MCCC2: variants seen among roughly 807,000 people sequenced by gnomAD.
MCCC2 encodes the protein methylcrotonyl-CoA carboxylase subunit 2.
A neutral mutation model predicts 77.2 loss-of-function variants in MCCC2; 52 were observed. That is an observed-to-expected ratio of 0.67 (90% CI 0.54 to 0.85). The LOEUF (loss-of-function observed/expected upper bound fraction) is 0.85, where lower values mean the gene tolerates loss of function less well. Ranked by LOEUF, MCCC2 falls within the 40% of genes least tolerant of loss-of-function variation. The pLI is 0.00. For missense variants in MCCC2, 682 were observed against 703.2 expected (o/e 0.97, Z 0.34); for synonymous variants, 253 against 248.4 (o/e 1.02, Z -0.18).
At chr5:71,653,337 T>G (rs1204665999) in intron 16 of MCCC2, among the ~76,000 whole-genome samples, 1 of 150,478 alleles carries the variant, frequency 6.6e-6, no homozygotes, top group African/African-American at 2.4e-5. Flanking sequence ...GGTAATAAAT[T>G]ATCATGCCTG....
chr5:71,623,446 T>C (rs1746425963), intron 6 of MCCC2, among the ~76,000 whole-genome samples: 1 of 152,146 alleles, frequency 6.6e-6, no homozygotes, highest in Non-Finnish European at 1.5e-5. Context: ...CTTCCTCAGT[T>C]GCTTGCCATA....
At chr5:71,592,841 T>TG in intron 1 of MCCC2, 85 bp from the exon 2 acceptor site, 1 of 992,698 alleles carries the variant, frequency 1.0e-6, no homozygotes, top group Non-Finnish European at 1.5e-6. Flanking sequence ...GACCACTGTT[T>TG]TTTTTTTTTT....
rs1300274788 is a variant in MCCC2 at position 71,608,820 on chromosome 5, A to T, written c.624+4352A>T. Among the ~76,000 whole-genome samples, 3 of 151,974 alleles carry T rather than the reference A, an allele frequency of 2.0e-5. No individual in the cohort carries two copies. The East Asian group carries it at 5.8e-4, about 29-fold the overall frequency. On this transcript the variant is annotated intron_variant, in intron 6 of 16. Transcript: ENST00000340941. ...CTGTAAAGGATTTTATTTCTCCTTC[A>T]CTTATGAAGCTTAGTTTGGCTGGAT...
intron 6 of MCCC2, among the ~76,000 whole-genome samples, chr5:71,615,380 C>T (rs1392726172): frequency 6.6e-6 from 1 of 152,196 alleles, no homozygotes; most frequent in Non-Finnish European, 1.5e-5. Flanking sequence ...CTCTGCACAG[C>T]CTCTTGGTAT....
intron 13 of MCCC2, among the ~76,000 whole-genome samples, chr5:71,648,579 C>T (rs1747337456): frequency 6.6e-6 from 1 of 152,226 alleles, no homozygotes; most frequent in Non-Finnish European, 1.5e-5. Context: ...CTAAAGCCCT[C>T]ATAGTTAGGC....
intron 15 of MCCC2, among the ~76,000 whole-genome samples, chr5:71,651,798 T>C (rs1387726972): frequency 6.6e-6 from 1 of 152,136 alleles, no homozygotes; most frequent in Admixed American, 6.6e-5. Flanking sequence ...AGGTGAGATA[T>C]GAAATTCTAC....
chr5:71,592,907 T>G lies in MCCC2; in HGVS notation c.130-19T>G, dbSNP rs1409822579. The stretch of plus-strand genomic sequence containing the variant: ...CTTTCTAATATTTCTCTCCCCTGTC[T>G]CCTCTATTTCTGTTTTAGGAGAACT... On this transcript the variant is annotated intron_variant, in intron 1 of 16. Coordinates refer to ENST00000340941, the MANE Select transcript of MCCC2 (RefSeq NM_022132.5). 2.7e-5 allele frequency: 42 copies of G among 1,563,826 alleles called. No homozygotes were observed. Among genetic ancestry groups the G allele is most frequent in the Non-Finnish European group, 3.6e-5 (41 of 1,135,138 alleles).
intron 2 of MCCC2, among the ~76,000 whole-genome samples, chr5:71,593,414 C>T (rs1229338794): frequency 1.3e-5 from 2 of 151,834 alleles, no homozygotes; most frequent in Non-Finnish European, 2.9e-5. Flanking sequence ...TAAGACTATG[C>T]ATTTGTTGGT....
intron 10 of MCCC2, chr5:71,636,839 G>C (rs1420588636): frequency 6.6e-6 from 1 of 150,768 alleles, no homozygotes; most frequent in Non-Finnish European, 1.5e-5. Context: ...TGCTTCCCAG[G>C]TTCAAGCGAT....
At chr5:71,597,036 T>C (rs531819091) in intron 3 of MCCC2, among the ~76,000 whole-genome samples, 311 of 151,878 alleles carry the variant, frequency 2.0e-3, no homozygotes, top group African/African-American at 6.3e-3. Context: ...GAGGAAGATA[T>C]AGGGCAAGTT....
chr5:71,589,520 A>C (rs1744892870), intron 1 of MCCC2, among the ~76,000 whole-genome samples: 1 of 152,262 alleles, frequency 6.6e-6, no homozygotes, highest in Non-Finnish European at 1.5e-5. Context: ...CCGAAGGCAC[A>C]GGAGCAAGAG....
Position 71,587,469 on chromosome 5 carries a change from C to G in MCCC2, c.44C>G (p.Ala15Gly). ...TTAGCCCTGCGGCCGTGTGCCCGCG[C>G]CTCTCCCGCCGGGCCGCGCGCCTAT... ...LRLALRPCAR[A>G]SPAGPRAYHG... is the part of the protein sequence containing the mutation. The change falls in exon 1 of 17, where the codon GCC (alanine) becomes GGC (glycine). Residue 15 changes from alanine to glycine, a missense_variant. Ala to Gly is a moderately conservative substitution (Grantham distance 60). Transcript: ENST00000340941. 6.5e-7 allele frequency: 1 copy of G among 1,536,100 alleles called. No homozygotes were observed.
chr5:71,604,467 A>G lies in MCCC2; in HGVS notation c.623A>G (p.Gln208Arg). 1 of 1,609,522 alleles carries G rather than the reference A, an allele frequency of 6.2e-7. No homozygotes were observed. The highest frequency in any genetic ancestry group is 8.5e-7 in the Non-Finnish European group (1 of 1,175,818). Residue 208 changes from glutamine to arginine, a missense_variant and splice_region_variant, in exon 6 of 17, where the codon CAG becomes CGG. Gln to Arg is a conservative substitution (Grantham distance 43). Transcript: ENST00000340941. The part of the protein sequence containing the change: ...QAIMSSKNIA[Q>R]IAVVMGSCTA... The stretch of plus-strand genomic sequence containing the variant: ...ATTATGTCTTCTAAAAATATTGCAC[A>G]GGTAATTTTTCATGAATAAAGTGTA...
chr5:71,602,614 G>T lies in MCCC2; in HGVS notation c.492G>T (p.Arg164Ser). 6.2e-7 allele frequency: 1 copy of T among 1,614,104 alleles called. No individual in the cohort carries two copies. The highest frequency in any genetic ancestry group is 1.1e-5 in the South Asian group (1 of 91,084). ...LRAQEIAMQN[R>S]LPCIYLVDSG... is the part of the protein sequence containing the mutation. ...CCCAAGAAATTGCCATGCAAAACAG[G>T]CTCCCCTGCATCTACTTAGGCAAGT... Residue 164 changes from arginine to serine, a missense_variant, in exon 5 of 17, where the codon AGG becomes AGT. Transcript: ENST00000340941.
intron 15 of MCCC2, among the ~76,000 whole-genome samples, chr5:71,651,761 G>A (rs924753810): frequency 1.3e-5 from 2 of 152,152 alleles, no homozygotes; most frequent in Admixed American, 6.5e-5. Context: ...TGTGCGAGTG[G>A]TTGGGGTGTG....
chr5:71,649,478 T>A (rs187234435), intron 14 of MCCC2, among the ~76,000 whole-genome samples: 1 of 152,274 alleles, frequency 6.6e-6, no homozygotes, highest in Non-Finnish European at 1.5e-5. Context: ...TGGCTGATAA[T>A]GAAAATGCCA....
intron 1 of MCCC2, among the ~76,000 whole-genome samples, chr5:71,588,793 A>G (rs1393381186): frequency 6.6e-6 from 1 of 152,152 alleles, no homozygotes; most frequent in Non-Finnish European, 1.5e-5. Flanking sequence ...ATGAAAGTGT[A>G]TATCTGGTGT....
intron 13 of MCCC2, among the ~76,000 whole-genome samples, chr5:71,648,452 A>G (rs945334354): frequency 2.6e-5 from 4 of 152,150 alleles, no homozygotes; most frequent in Admixed American, 6.5e-5. Context: ...TAACCTTGCT[A>G]TTGAGTCACT....
At chr5:71,634,826 A>T (rs1746861256) in intron 8 of MCCC2, 117 bp from the exon 9 acceptor site, 2 of 868,616 alleles carry the variant, frequency 2.3e-6, no homozygotes, top group Non-Finnish European at 3.7e-6. Context: ...AAATTTTTTA[A>T]GTGTTTTAGA....
Sources: allele counts gnomAD v4.1 joint callset (sites outside exome capture counted in the v4.1 genomes callset), GRCh38; gene constraint gnomAD v4.1.1; transcripts MANE v1.5; gene names NCBI Gene and HGNC (gene_info 2026-07-23, HGNC 2026-07-21).